The following PIN4 variants were observed in gnomAD, a reference collection of about 807,000 sequenced individuals.
The protein encoded by PIN4 is peptidyl-prolyl cis-trans isomerase NIMA-interacting 4.
A neutral mutation model predicts 8.3 loss-of-function variants in PIN4; 3 were observed. That is an observed-to-expected ratio of 0.36 (90% confidence interval 0.16 to 0.93). The LOEUF (loss-of-function observed/expected upper bound fraction) is 0.93. Ranked by LOEUF, PIN4 falls within the 40% of genes least tolerant of loss-of-function variation. PIN4 has a pLI of 0.44. For synonymous variants in PIN4, 18 were observed against 32.5 expected, an observed-to-expected ratio of 0.55 and a Z score of 1.52; for missense variants, 75 against 100.6, an observed-to-expected ratio of 0.75 and a Z score of 1.09.
intron 3 of PIN4, chrX:72,239,168 G>C (rs1602456606): frequency 2.7e-6 from 1 of 375,137 alleles, no homozygotes; most frequent in Non-Finnish European, 4.7e-6. Flanking sequence ...GAAGCAGAAG[G>C]TGATCTCTGC....
At chrX:72,250,801 G>C (rs758111708) in intron 3 of PIN4, among the ~76,000 whole-genome samples, 2 of 95,601 alleles carry the variant, frequency 2.1e-5, no homozygotes, top group South Asian at 1.2e-3. Context: ...GTGCAGTGCC[G>C]CAATCTCGGC....
chrX:72,255,632 C>T (rs935242303), intron 3 of PIN4: 1 of 111,824 alleles, frequency 8.9e-6, no homozygotes, highest in African/African-American at 3.3e-5. Flanking sequence ...GCCCAGGAAG[C>T]ATACAAATCG....
Position 72,189,070 on chromosome X carries a change from T to C in PIN4, c.117+2536T>C, listed in dbSNP as rs1429258696. Among the ~76,000 whole-genome samples, 206 of 110,640 alleles carry C rather than the reference T, an allele frequency of 1.9e-3. 1 individual carries two copies. Among genetic ancestry groups the C allele is most frequent in the African/African-American group, 6.3e-3 (191 of 30,133 alleles). On this transcript the variant is annotated intron_variant, in intron 2 of 3. Transcript: ENST00000373669. ...GTCCCAGCTACTTGGGAGGCTGAGG[T>C]AGGAGGATTGTTTGAGCCCAGGAGT...
At chrX:72,246,264 G>A (rs1298789292) in intron 3 of PIN4, among the ~76,000 whole-genome samples, 1 of 111,538 alleles carries the variant, frequency 9.0e-6, no homozygotes. Flanking sequence ...TCAGTGAGTC[G>A]TGTTGGCTCT....
intron 3 of PIN4, among the ~76,000 whole-genome samples, chrX:72,215,497 AAAG>A (rs1258271498): frequency 8.9e-6 from 1 of 112,108 alleles, no homozygotes; most frequent in Non-Finnish European, 1.9e-5. Context: ...TATCCTAAAA[AAAG>A]AAGATGGATT....
chrX:72,204,352 A>G (rs1045600553), intron 3 of PIN4, among the ~76,000 whole-genome samples: 10 of 112,592 alleles, frequency 8.9e-5, no homozygotes, highest in African/African-American at 3.2e-4. Context: ...GCAGGCTTGC[A>G]TGGGAGAATC....
intron 3 of PIN4, among the ~76,000 whole-genome samples, chrX:72,262,513 G>A (rs1290820664): frequency 8.9e-6 from 1 of 112,080 alleles, no homozygotes; most frequent in Non-Finnish European, 1.9e-5. Flanking sequence ...GAAATTCACT[G>A]CAAGGAGGAG....
chrX:72,236,082 T>C (rs12394422), intron 3 of PIN4, among the ~76,000 whole-genome samples: 46,781 of 110,314 alleles, frequency 0.42, 8,904 homozygotes, highest in East Asian at 0.98. Context: ...TTTGTTGGAA[T>C]TGGTATTCTA....
At chrX:72,239,188 A>G (rs1291212576) in intron 3 of PIN4, 19 of 352,990 alleles carry the variant, frequency 5.4e-5, no homozygotes, top group Non-Finnish European at 8.6e-5. Context: ...CCTTCGAGAC[A>G]CGGAGTGTGC....
intron 3 of PIN4, among the ~76,000 whole-genome samples, chrX:72,243,646 A>C (rs11798909): frequency 2.7e-5 from 3 of 112,181 alleles, no homozygotes; most frequent in Non-Finnish European, 5.6e-5. Flanking sequence ...CTAATCTTCA[A>C]ATTACACTGA....
chrX:72,197,751 A>G lies in PIN4; in HGVS notation c.*225A>G. The G allele has an allele frequency of 1.1e-6, 1 of 927,628 alleles. No homozygotes were observed. The allele number at this position is 927,628 out of a possible 1,213,427, so 76.4% of individuals were successfully genotyped here. On this transcript the variant is annotated 3_prime_UTR_variant, in exon 4 of 4. Coordinates refer to ENST00000373669, the MANE Select transcript of PIN4 (RefSeq NM_006223.4). Reference sequence around the variant, plus strand: ...TAGGTATTCAGTCAGTCTTTCTCAAAGAGAAGTCAAGCAGACTCCCTTTAA... The same window carrying G: ...TAGGTATTCAGTCAGTCTTTCTCAAGGAGAAGTCAAGCAGACTCCCTTTAA...
chrX:72,234,698 A>G (rs2043006282), intron 3 of PIN4, among the ~76,000 whole-genome samples: 1 of 111,387 alleles, frequency 9.0e-6, no homozygotes, highest in African/African-American at 3.3e-5. Flanking sequence ...AGCTAGAAGC[A>G]TGGAGAGTTC....
chrX:72,192,049 T>G (rs2042737879), intron 2 of PIN4, among the ~76,000 whole-genome samples: 1 of 111,055 alleles, frequency 9.0e-6, no homozygotes, highest in South Asian at 3.8e-4. Context: ...TCTCCCAGTT[T>G]CAAGCGATTC....
chrX:72,185,379 A>G (rs1174337636), intron 1 of PIN4, among the ~76,000 whole-genome samples: 3 of 110,426 alleles, frequency 2.7e-5, no homozygotes, highest in Admixed American at 1.9e-4. Context: ...TTCTTTGGCT[A>G]ACCAGCTCCT....
intron 3 of PIN4, among the ~76,000 whole-genome samples, chrX:72,226,184 C>A (rs2042952565): frequency 8.9e-6 from 1 of 111,733 alleles, no homozygotes. Flanking sequence ...CTGACCAACA[C>A]TCATGCTTGA....
chrX:72,202,163 A>G (rs1474539011), downstream of PIN4, among the ~76,000 whole-genome samples: 1 of 112,752 alleles, frequency 8.9e-6, no homozygotes, highest in Non-Finnish European at 1.9e-5. Context: ...GAAATGCTAT[A>G]TTTCAGCTAC....
chrX:72,239,007 GCTCA>G, intron 3 of PIN4: 2 of 854,935 alleles, frequency 2.3e-6, no homozygotes, highest in Non-Finnish European at 3.3e-6. Flanking sequence ...CTTGAATTTC[GCTCA>G]CTCCCGCCCC....
At chrX:72,212,754 A>G (rs1232174504) in intron 3 of PIN4, among the ~76,000 whole-genome samples, 5 of 111,934 alleles carry the variant, frequency 4.5e-5, no homozygotes, top group Non-Finnish European at 1.9e-5. Flanking sequence ...TAGCCTGGGC[A>G]ACATAGTGAA....
chrX:72,235,389 C>CTTTTTTTT (rs144267277), intron 3 of PIN4, among the ~76,000 whole-genome samples: 1 of 68,570 alleles, frequency 1.5e-5, no homozygotes, highest in African/African-American at 6.8e-5. Context: ...CCCTCTTCCA[C>CTTTTTTTT]TTTTTTTTTT....
Sources: gnomAD v4.1 joint callset for allele counts (sites outside exome capture counted in the v4.1 genomes callset) on GRCh38, gnomAD v4.1.1 for gene constraint, MANE v1.5 for transcripts, NCBI Gene and HGNC (gene_info 2026-07-23, HGNC 2026-07-21) for gene names.